The following PHC2 variants were observed in gnomAD, a reference collection of about 807,000 sequenced individuals.
PHC2 encodes polyhomeotic homolog 2.
In PHC2, 29 loss-of-function variants were observed where a neutral mutation model predicts 87.4. The ratio of observed to expected loss-of-function variants is 0.33; its 90% CI spans 0.25 to 0.45. The LOEUF (loss-of-function observed/expected upper bound fraction) is 0.45. Among genes scored for constraint, PHC2 ranks in the 20% least tolerant of loss-of-function variants. The pLI is 1.00. For synonymous variants in PHC2, 438 were observed against 461.7 expected (o/e 0.95, Z 0.66); for missense variants, 857 against 1,136.7 (o/e 0.75, Z 3.54).
intron 9 of PHC2, among the ~76,000 whole-genome samples, chr1:33,351,274 G>C (rs1201466108): frequency 6.6e-6 from 1 of 152,154 alleles, no homozygotes; most frequent in African/African-American, 2.4e-5. Flanking sequence ...TCATGAAATA[G>C]AATTCTTTTG....
Position 33,332,466 on chromosome 1 carries a change from T to A in PHC2, c.1762-62A>T. The A allele has an allele frequency of 6.3e-7, 1 of 1,594,312 alleles. No homozygotes were observed. Among genetic ancestry groups the A allele is most frequent in the South Asian group, 1.1e-5 (1 of 90,478 alleles). On this transcript the variant is annotated intron_variant, in intron 10 of 14. Coordinates refer to ENST00000683057, the MANE Select transcript of PHC2 (RefSeq NM_001385109.1). The surrounding 1 kb of genome is among the most constrained non-coding windows in gnomAD (Gnocchi z 4.2). ...GTGGGAGCGGCTTCCTTGCTATCCA[T>A]CCTCATCACAATTACACGTATAAAG...
At position 33,364,422 on chromosome 1, in the gene PHC2, A is replaced by G. The variant is rs12410944; in HGVS notation, c.976+2694T>C. 0.23 allele frequency among the ~76,000 whole-genome samples: 34,928 copies of G among 149,666 alleles called. 4,886 individuals carry two copies. The highest frequency in any genetic ancestry group is 0.34 in the Middle Eastern group (100 of 292). On this transcript the variant is annotated intron_variant, in intron 7 of 14. Coordinates refer to ENST00000683057, the MANE Select transcript of PHC2 (RefSeq NM_001385109.1). This position sits in a 1 kb window ranked among gnomAD's most constrained non-coding sequence, Gnocchi z 4.1. ...CACACACACACACACACACACACAC[A>G]CACGCTCAAGCACGCTCTTCTCTCC... is the stretch of plus-strand genomic sequence containing the variant.
Position 33,355,025 on chromosome 1 carries a change from G to A in PHC2, c.1205C>T (p.Thr402Ile). 2 of 1,613,950 alleles carry A rather than the reference G, an allele frequency of 1.2e-6. No individual in the cohort carries two copies. The highest frequency in any genetic ancestry group is 1.3e-5 in the African/African-American group (1 of 75,072). Residue 402 changes from threonine to isoleucine, a missense_variant, in exon 8 of 15, where the codon ACA (threonine) becomes ATA (isoleucine). By Grantham distance (89) the Thr-to-Ile change is moderately conservative. Around this residue, in one of 3 missense-constraint regions of PHC2, gnomAD observed 832 missense variants for 1,081.8 expected, o/e 0.77. Transcript: ENST00000683057. Reference protein sequence around the residue: ...EAHAMPLGPVTPALPLQCPTA... With the variant: ...EAHAMPLGPVIPALPLQCPTA... Reference sequence around the variant, plus strand: ...GGGACACTGGAGTGGCAGGGCGGGTGTAACCGGGCCTAGTGGCATGGCATG... The same window carrying A: ...GGGACACTGGAGTGGCAGGGCGGGTATAACCGGGCCTAGTGGCATGGCATG...
At chr1:33,426,573 A>G (rs956343368) in intron 1 of PHC2, among the ~76,000 whole-genome samples, 23 of 152,352 alleles carry the variant, frequency 1.5e-4, no homozygotes, top group Admixed American at 1.3e-3. Context: ...AATACCCTCA[A>G]AACATGGTGG....
intron 1 of PHC2, among the ~76,000 whole-genome samples, chr1:33,402,936 G>A (rs1649600526): frequency 6.6e-6 from 1 of 151,714 alleles, no homozygotes; most frequent in African/African-American, 2.4e-5. Context: ...AGCCTCCCAA[G>A]TATCTGGGAC....
intron 1 of PHC2, among the ~76,000 whole-genome samples, chr1:33,430,716 G>A (rs1650879416): frequency 6.6e-6 from 1 of 151,304 alleles, no homozygotes; most frequent in Admixed American, 6.6e-5. Context: ...GGGGCGCCGC[G>A]CTCTGCCGGT....
intron 1 of PHC2, among the ~76,000 whole-genome samples, chr1:33,385,692 CCCTGTGGGCAACAGAGA>C (rs1207857146): frequency 3.3e-5 from 5 of 152,200 alleles, no homozygotes; most frequent in Non-Finnish European, 7.3e-5. Context: ...TGGTCTCAGG[CCCTGTGGGCAACAGAGA>C]CCTATAATAA....
At chr1:33,377,889 T>C (rs1255172721) in intron 1 of PHC2, among the ~76,000 whole-genome samples, 2 of 151,956 alleles carry the variant, frequency 1.3e-5, no homozygotes, top group African/African-American at 2.4e-5. Flanking sequence ...AAGACAGGAA[T>C]GTTGGGAGTC....
intron 1 of PHC2, among the ~76,000 whole-genome samples, chr1:33,384,220 A>C (rs779778061): frequency 1.2e-4 from 18 of 152,146 alleles, no homozygotes; most frequent in Non-Finnish European, 2.4e-4. Flanking sequence ...ACCACTTCAG[A>C]CCTACGGAAT....
chr1:33,367,441 G>C lies in PHC2; in HGVS notation c.664-13C>G. The C allele has an allele frequency of 1.3e-6, 2 of 1,534,076 alleles. No homozygotes were observed. The highest frequency in any genetic ancestry group is 1.4e-5 in the African/African-American group (1 of 72,694). ...TCAAGTTCTGTACCTGGAAAAGAGGGGTCTGTGGGAGTCCAGAGAATGTGG... is the reference window on the plus strand; with the variant it reads ...TCAAGTTCTGTACCTGGAAAAGAGGCGTCTGTGGGAGTCCAGAGAATGTGG... On this transcript the variant is annotated splice_polypyrimidine_tract_variant and intron_variant, in intron 6 of 14. Coordinates refer to ENST00000683057, the MANE Select transcript of PHC2 (RefSeq NM_001385109.1).
chr1:33,374,307 A>C (rs1648035595), intron 2 of PHC2, among the ~76,000 whole-genome samples: 1 of 152,084 alleles, frequency 6.6e-6, no homozygotes, highest in African/African-American at 2.4e-5. Context: ...TTTTGCCTAG[A>C]ATTGTGATGA....
In PHC2 at chr1:33,371,062, A is replaced by C. The variant is rs1412972939; in HGVS notation, c.366T>G (p.Thr122=). 5.6e-6 allele frequency: 9 copies of C among 1,613,962 alleles called. No individual in the cohort carries two copies. The highest frequency in any genetic ancestry group is 7.6e-6 in the Non-Finnish European group (9 of 1,180,006). ...CCTGCGCAGACACATTGCTGCCTGA[A>C]GTGCTTCCTTGTCTATTGGATACCA... ...ASLVSNRQGS[T]SGSNVSAQAP... Residue 122 remains threonine (T), a synonymous_variant, in exon 4 of 15, where the codon ACT becomes ACG. Transcript: ENST00000683057.
intron 1 of PHC2, among the ~76,000 whole-genome samples, chr1:33,409,017 C>T (rs949311322): frequency 6.6e-6 from 1 of 152,128 alleles, no homozygotes; most frequent in African/African-American, 2.4e-5. Flanking sequence ...CAAGAATATA[C>T]AAGTAAGTAA....
At chr1:33,390,286 A>G (rs2148360151) in intron 1 of PHC2, among the ~76,000 whole-genome samples, 1 of 152,354 alleles carries the variant, frequency 6.6e-6, no homozygotes, top group East Asian at 1.9e-4. Flanking sequence ...CTTATTTTTA[A>G]CTTATCCATT....
Position 33,328,930 on chromosome 1 carries a change from G to A in PHC2, c.2365C>T (p.Pro789Ser), listed in dbSNP as rs1570439915. 2 of 1,614,012 alleles carry A rather than the reference G, an allele frequency of 1.2e-6. No homozygotes were observed. Among genetic ancestry groups the A allele is most frequent in the East Asian group, 4.5e-5 (2 of 44,878 alleles). Reference sequence around the variant, plus strand: ...ACATTCCACTTGGTGGGCTCACTTGGCAGGAAGTGGTGTCCCATGCCCACC... The same window carrying A: ...ACATTCCACTTGGTGGGCTCACTTGACAGGAAGTGGTGTCCCATGCCCACC... ...DLVGMGHHFL[P>S]SEPTKWNVED... is the part of the protein sequence containing the mutation. Residue 789 changes from proline (P) to serine (S), a missense_variant, in exon 14 of 15, where the codon CCA (proline) becomes TCA (serine). By Grantham distance (74) the Pro-to-Ser change is moderately conservative. This residue lies in a region of PHC2 where 832 missense variants were observed against 1,081.8 expected (regional missense o/e 0.77). Transcript: ENST00000683057.
intron 1 of PHC2, among the ~76,000 whole-genome samples, chr1:33,421,695 T>C (rs565532528): frequency 1.3e-5 from 2 of 152,350 alleles, no homozygotes; most frequent in Non-Finnish European, 2.9e-5. Flanking sequence ...GTGTGTTGTT[T>C]CTCAGTATTT....
chr1:33,408,641 T>C (rs919324746), intron 1 of PHC2, among the ~76,000 whole-genome samples: 1 of 151,968 alleles, frequency 6.6e-6, no homozygotes, highest in Non-Finnish European at 1.5e-5. Flanking sequence ...TTTTGTTTGT[T>C]TTTTTAGTAG....
At chr1:33,370,329 C>A in intron 5 of PHC2, 92 bp downstream of exon 5, 1 of 1,255,666 alleles carries the variant, frequency 8.0e-7, no homozygotes, top group Admixed American at 2.0e-5. Context: ...CCTAGTGCTT[C>A]CTCCCCACCC....
Position 33,349,677 on chromosome 1 carries a change from G to C in PHC2, c.1558+4724C>G, listed in dbSNP as rs912105092. On this transcript the variant is annotated intron_variant, in intron 9 of 14. Transcript: ENST00000683057. The surrounding 1 kb of genome is among the most constrained non-coding windows in gnomAD (Gnocchi z 4.2). Reference sequence around the variant, plus strand: ...GGCGCCGACTCGCGCGGGGTCCCGGGCCCGGGCGGGCCGCCTCCTCTCCGC... The same window carrying C: ...GGCGCCGACTCGCGCGGGGTCCCGGCCCCGGGCGGGCCGCCTCCTCTCCGC... 1 of 984,022 alleles carries C rather than the reference G, an allele frequency of 1.0e-6. No homozygotes were observed. The allele number at this position is 984,022 out of a possible 1,614,324, so 61.0% of individuals were successfully genotyped here.
Sources: allele counts gnomAD v4.1 joint callset (sites outside exome capture counted in the v4.1 genomes callset), GRCh38; gene constraint gnomAD v4.1.1; regional missense constraint gnomAD v4.1.1; non-coding constraint Gnocchi (gnomAD v3.1); transcripts MANE v1.5; gene names NCBI Gene and HGNC (gene_info 2026-07-23, HGNC 2026-07-21).